MAPK6: variants seen among roughly 807,000 people sequenced by gnomAD.
The protein encoded by MAPK6 is ERK-3.
A neutral mutation model predicts 59.3 loss-of-function variants in MAPK6; 19 were observed. The ratio of observed to expected loss-of-function variants is 0.32; its 90% CI spans 0.22 to 0.47. The LOEUF (loss-of-function observed/expected upper bound fraction) is 0.47, where lower values mean the gene tolerates loss of function less well. Among genes scored for constraint, MAPK6 ranks in the 20% least tolerant of loss-of-function variants. The pLI is 1.00. For synonymous variants in MAPK6, 316 were observed against 290.3 expected, an observed-to-expected ratio of 1.09 and a Z score of -0.90; for missense variants, 724 against 847.9, an observed-to-expected ratio of 0.85 and a Z score of 1.81.
intron 2 of MAPK6, among the ~76,000 whole-genome samples, chr15:51,996,074 T>C (rs2959283): frequency 0.25 from 37,909 of 152,142 alleles, 7,235 homozygotes; most frequent in East Asian, 0.51. Context: ...GGTCTGAGTT[T>C]CTGGTCACCA....
At position 51,994,250 on chromosome 15, in the gene MAPK6, G is replaced by A. The variant is rs143461054; in HGVS notation, c.-769-10015G>A. Among the ~76,000 whole-genome samples the A allele has an allele frequency of 6.0e-3, 908 of 152,148 alleles. 12 individuals carry two copies. Among genetic ancestry groups the A allele is most frequent in the African/African-American group, 0.02 (848 of 41,496 alleles). On this transcript the variant is annotated intron_variant, in intron 2 of 7. Transcript: ENST00000691380. Reference sequence around the variant, plus strand: ...GCTGGGATTACAGGTGTGAGCCACCGCGCCTGGCCAGCTCTTGGTTTCTAA... The same window carrying A: ...GCTGGGATTACAGGTGTGAGCCACCACGCCTGGCCAGCTCTTGGTTTCTAA...
intron 1 of MAPK6, among the ~76,000 whole-genome samples, chr15:51,975,297 C>T (rs1363272050): frequency 6.6e-6 from 1 of 151,706 alleles, no homozygotes; most frequent in Non-Finnish European, 1.5e-5. Flanking sequence ...AATCCCAGCA[C>T]TTTGGGAGGC....
chr15:51,995,980 C>T (rs573874210), intron 2 of MAPK6, among the ~76,000 whole-genome samples: 1 of 152,198 alleles, frequency 6.6e-6, no homozygotes, highest in African/African-American at 2.4e-5. Flanking sequence ...TACAGGCTTT[C>T]TAAATTCCTC....
chr15:51,976,444 G>A (rs2057157719), intron 1 of MAPK6, among the ~76,000 whole-genome samples: 1 of 151,474 alleles, frequency 6.6e-6, no homozygotes, highest in African/African-American at 2.4e-5. Context: ...AAATTGAGCA[G>A]AACGTAAAAC....
At chr15:52,003,450 T>A (rs1461749474) in intron 2 of MAPK6, among the ~76,000 whole-genome samples, 1 of 152,198 alleles carries the variant, frequency 6.6e-6, no homozygotes, top group Non-Finnish European at 1.5e-5. Context: ...CACATCTTCT[T>A]GGGCAAGGTA....
rs147656596 is a variant in MAPK6 at position 52,054,094 on chromosome 15, G to A, written c.700+3957G>A. Among the ~76,000 whole-genome samples the A allele has an allele frequency of 2.1e-3, 322 of 151,878 alleles. 1 individual carries two copies. The highest frequency in any genetic ancestry group is 7.3e-3 in the African/African-American group (304 of 41,398). ...TTATAGGATTCTTATACAGCTGGGC[G>A]CGGTGGCTCACACCTGTAATCCCAG... On this transcript the variant is annotated intron_variant, in intron 3 of 5. Coordinates refer to ENST00000261845, the MANE Select transcript of MAPK6 (RefSeq NM_002748.4).
chr15:52,010,198 C>A (rs966426672), intron 3 of MAPK6, among the ~76,000 whole-genome samples: 1 of 152,126 alleles, frequency 6.6e-6, no homozygotes, highest in Admixed American at 6.6e-5. Flanking sequence ...ATTGCTATTA[C>A]CATTCTCCTG....
chr15:52,035,074 T>C (rs2141883303), intron 1 of MAPK6, among the ~76,000 whole-genome samples: 1 of 152,364 alleles, frequency 6.6e-6, no homozygotes, highest in Admixed American at 6.5e-5. Flanking sequence ...TCTGGTTCTT[T>C]GGACTGCTGG....
At chr15:51,994,575 T>C (rs2057219502) in intron 2 of MAPK6, among the ~76,000 whole-genome samples, 1 of 152,170 alleles carries the variant, frequency 6.6e-6, no homozygotes, top group Non-Finnish European at 1.5e-5. Flanking sequence ...AACTGGAAGT[T>C]TGATGAGGAA....
upstream of MAPK6, among the ~76,000 whole-genome samples, chr15:52,016,856 CA>C (rs1173161191): frequency 6.6e-6 from 1 of 152,088 alleles, no homozygotes; most frequent in African/African-American, 2.4e-5. Flanking sequence ...CCATCCTGGT[CA>C]ACATGGTAAA....
chr15:52,053,070 GT>G (rs140172832), intron 3 of MAPK6, among the ~76,000 whole-genome samples: 7,032 of 125,302 alleles, frequency 0.056, 257 homozygotes, highest in African/African-American at 0.14. Flanking sequence ...TCTCATTGTG[GT>G]TTTTTTTTTT....
intron 3 of MAPK6, among the ~76,000 whole-genome samples, chr15:52,051,520 T>C (rs1257976535): frequency 1.3e-5 from 2 of 152,242 alleles, no homozygotes; most frequent in Non-Finnish European, 2.9e-5. Flanking sequence ...AGTATGTTAA[T>C]GCCAGTACTT....
Position 52,064,215 on chromosome 15 carries a change from G to C in MAPK6, c.1381G>C (p.Glu461Gln), listed in dbSNP as rs760125835. Residue 461 changes from glutamate to glutamine, a missense_variant, in exon 6 of 6, where the codon GAG becomes CAG. Physicochemically the swap from Glu to Gln is conservative, Grantham distance 29. Around this residue, in one of 4 missense-constraint regions of MAPK6, gnomAD observed 502 missense variants for 507.6 expected, o/e 0.99. Transcript: ENST00000261845. ...SSYLDNLVWRESEVNHYYEPK... is the reference protein window; with the variant it reads ...SSYLDNLVWRQSEVNHYYEPK... ...ATATTTAGATAACTTAGTTTGGAGA[G>C]AGAGTGAAGTTAACCATTACTATGA... 1.2e-5 allele frequency: 20 copies of C among 1,611,360 alleles called. No homozygotes were observed. In the African/African-American group the frequency reaches 2.7e-4, roughly 22 times the overall value.
intron 1 of MAPK6, among the ~76,000 whole-genome samples, chr15:52,027,327 G>T (rs995423824): frequency 7.6e-4 from 89 of 116,912 alleles, no homozygotes; most frequent in African/African-American, 2.8e-3. Flanking sequence ...TCCAGGCTGG[G>T]TGACAGAGCG....
At chr15:52,029,617 T>C (rs1192177790) in intron 1 of MAPK6, among the ~76,000 whole-genome samples, 1 of 152,198 alleles carries the variant, frequency 6.6e-6, no homozygotes, top group Admixed American at 6.5e-5. Flanking sequence ...AAAATAGAAC[T>C]CTCTTCCATA....
Position 52,061,386 on chromosome 15 carries a change from T to G in MAPK6, c.953T>G (p.Ile318Arg). ...GCACTCTCCCATCCTTACATGAGCATATATTCTTTTCCAATGGATGAGCCA... is the reference window on the plus strand; with the variant it reads ...GCACTCTCCCATCCTTACATGAGCAGATATTCTTTTCCAATGGATGAGCCA... ...EEALSHPYMS[I>R]YSFPMDEPIS... The change falls in exon 5 of 6, where the codon ATA becomes AGA. Residue 318 changes from isoleucine (I) to arginine (R), a missense_variant. This residue lies in a region of MAPK6 where 502 missense variants were observed against 507.6 expected (regional missense o/e 0.99). Transcript: ENST00000261845. 6.2e-7 allele frequency: 1 copy of G among 1,613,970 alleles called. No homozygotes were observed. Among genetic ancestry groups the G allele is most frequent in the Non-Finnish European group, 8.5e-7 (1 of 1,179,834 alleles).
At chr15:52,051,120 C>T (rs1221600413) in intron 3 of MAPK6, among the ~76,000 whole-genome samples, 4 of 151,774 alleles carry the variant, frequency 2.6e-5, no homozygotes, top group South Asian at 2.1e-4. Flanking sequence ...TGCAGTGGTG[C>T]GATTTCTGCT....
chr15:52,046,841 G>T lies in MAPK6; in HGVS notation c.381G>T (p.Glu127Asp). 2 of 1,614,010 alleles carry T rather than the reference G, an allele frequency of 1.2e-6. No homozygotes were observed. Among genetic ancestry groups the T allele is most frequent in the Non-Finnish European group, 1.7e-6 (2 of 1,179,954 alleles). ...NVLEQGPLLE[E>D]HARLFMYQLL... is the part of the protein sequence containing the mutation. ...TGGAGCAGGGCCCTTTACTGGAAGA[G>T]CATGCCAGGCTTTTCATGTATCAGC... Residue 127 changes from glutamate (E) to aspartate (D), a missense_variant, in exon 2 of 6, where the codon GAG becomes GAT. Physicochemically the swap from Glu to Asp is conservative, Grantham distance 45. This residue lies in a region of MAPK6 where 105 missense variants were observed against 191.9 expected (regional missense o/e 0.55). Transcript: ENST00000261845.
rs76290373 is a variant in MAPK6, at chr15:52,061,766, C to T, written c.1067+266C>T. Among the ~76,000 whole-genome samples the T allele has an allele frequency of 1.3e-3, 202 of 152,084 alleles. 2 individuals carry two copies. Among genetic ancestry groups the T allele is most frequent in the African/African-American group, 4.7e-3 (195 of 41,486 alleles). On this transcript the variant is annotated intron_variant, in intron 5 of 5. Coordinates refer to ENST00000261845, the MANE Select transcript of MAPK6 (RefSeq NM_002748.4). Reference sequence around the variant, plus strand: ...CCAGTCTGGGCAATAGAGCAAGACTCCATCTCAAAGAAAAATTTAGTAATG... The same window carrying T: ...CCAGTCTGGGCAATAGAGCAAGACTTCATCTCAAAGAAAAATTTAGTAATG...
Sources: allele counts gnomAD v4.1 joint callset (sites outside exome capture counted in the v4.1 genomes callset), GRCh38; gene constraint gnomAD v4.1.1; regional missense constraint gnomAD v4.1.1; transcripts MANE v1.5; gene names NCBI Gene and HGNC (gene_info 2026-07-23, HGNC 2026-07-21).